Variants in TBL1XR1 observed in about 807,000 individuals in gnomAD.
TBL1XR1 encodes the protein F-box-like/WD repeat-containing protein TBL1XR1.
A neutral mutation model predicts 66.9 loss-of-function variants in TBL1XR1; 5 were observed. The observed-to-expected ratio is 0.07, with a 90% confidence interval of 0.04 to 0.16. The LOEUF (loss-of-function observed/expected upper bound fraction) is 0.16. Ranked by LOEUF, TBL1XR1 falls within the 10% of genes least tolerant of loss-of-function variation. The pLI, the probability that TBL1XR1 is intolerant of heterozygous loss-of-function variation, is 1.00. For missense variants in TBL1XR1, 238 were observed against 623.2 expected (o/e 0.38, Z 6.58); for synonymous variants, 210 against 206.0 (o/e 1.02, Z -0.17).
chr3:177,183,303 C>T (rs115588637), intron 1 of TBL1XR1, among the ~76,000 whole-genome samples: 217 of 152,162 alleles, frequency 1.4e-3, no homozygotes, highest in African/African-American at 5.1e-3. Context: ...ATGAAGAGTA[C>T]AGAAAATGTG....
At chr3:177,138,431 T>TAAAAGA in intron 1 of TBL1XR1, among the ~76,000 whole-genome samples, 1 of 152,064 alleles carries the variant, frequency 6.6e-6, no homozygotes, top group Middle Eastern at 3.4e-3. Flanking sequence ...TCCATCTCCA[T>TAAAAGA]AAAAAGTAAA....
At chr3:177,058,861 G>A (rs892186419) in intron 3 of TBL1XR1, among the ~76,000 whole-genome samples, 5 of 152,034 alleles carry the variant, frequency 3.3e-5, no homozygotes, top group African/African-American at 4.8e-5. Context: ...TGTGTAATAC[G>A]AATTTCCTGT....
rs1388639449 is a variant in TBL1XR1 at position 177,152,777 on chromosome 3, T to A, written c.-122+44344A>T. Among the ~76,000 whole-genome samples, 20 of 152,196 alleles carry A rather than the reference T, an allele frequency of 1.3e-4. 1 individual carries two copies. The highest frequency in any genetic ancestry group is 1.3e-3 in the Admixed American group (20 of 15,268). On this transcript the variant is annotated intron_variant, in intron 1 of 15. Transcript: ENST00000457928. ...TTACTTTGTTCTTGATTATCCCTAA[T>A]TACCTTATTATTGCTTCTATCTCCC... is the stretch of plus-strand genomic sequence containing the variant.
chr3:177,188,406 G>A (rs765665911), intron 1 of TBL1XR1, among the ~76,000 whole-genome samples: 1 of 152,016 alleles, frequency 6.6e-6, no homozygotes, highest in South Asian at 2.1e-4. Flanking sequence ...AATTAGGTAG[G>A]TGTGGTGGCA....
intron 1 of TBL1XR1, among the ~76,000 whole-genome samples, chr3:177,141,973 A>G (rs1303695061): frequency 6.6e-6 from 1 of 152,234 alleles, no homozygotes; most frequent in Non-Finnish European, 1.5e-5. Context: ...ACATGATTCC[A>G]CTTACATAAG....
intron 7 of TBL1XR1, 71 bp from the exon 8 acceptor site, chr3:177,047,620 T>C: frequency 2.0e-6 from 3 of 1,494,034 alleles, no homozygotes; most frequent in East Asian, 2.4e-5. Context: ...AAGTATTTCA[T>C]GTTTAAATCC....
chr3:177,123,129 T>G (rs1225710392), intron 1 of TBL1XR1, among the ~76,000 whole-genome samples: 1 of 152,108 alleles, frequency 6.6e-6, no homozygotes, highest in East Asian at 1.9e-4. Context: ...CAGCAATCTT[T>G]AAGTGGTCCA....
intron 1 of TBL1XR1, among the ~76,000 whole-genome samples, chr3:177,110,259 A>G (rs1725390251): frequency 6.6e-6 from 1 of 152,258 alleles, no homozygotes; most frequent in African/African-American, 2.4e-5. Flanking sequence ...AACATCAAAG[A>G]ACTTCAAAGT....
At chr3:177,172,699 A>AGGG (rs1560260803) in intron 1 of TBL1XR1, among the ~76,000 whole-genome samples, 8 of 124,354 alleles carry the variant, frequency 6.4e-5, no homozygotes, top group South Asian at 2.7e-4. Context: ...GGAGGGGAGG[A>AGGG]GAGGGAAGAG....
intron 1 of TBL1XR1, among the ~76,000 whole-genome samples, chr3:177,193,162 AAAT>A (rs1035417362): frequency 8.4e-4 from 128 of 152,114 alleles, no homozygotes; most frequent in African/African-American, 2.9e-3. Context: ...CAAAAAAATA[AAAT>A]AAAATAAAAT....
At chr3:177,051,936 T>C (rs1168454458) in intron 4 of TBL1XR1, among the ~76,000 whole-genome samples, 2 of 152,152 alleles carry the variant, frequency 1.3e-5, no homozygotes, top group African/African-American at 4.8e-5. Flanking sequence ...TTCATTTAAT[T>C]CATACTATTA....
At chr3:177,140,074 GGACA>G (rs1729463011) in intron 1 of TBL1XR1, among the ~76,000 whole-genome samples, 1 of 152,146 alleles carries the variant, frequency 6.6e-6, no homozygotes, top group Admixed American at 6.5e-5. Flanking sequence ...AGGCCAAGGT[GGACA>G]GATCACCAGG....
chr3:177,113,439 T>A (rs1418354960), intron 1 of TBL1XR1, among the ~76,000 whole-genome samples: 1 of 152,046 alleles, frequency 6.6e-6, no homozygotes, highest in Non-Finnish European at 1.5e-5. Context: ...AACAATAACC[T>A]ACAGGAGAAA....
chr3:177,055,401 C>G (rs552970241), intron 3 of TBL1XR1, among the ~76,000 whole-genome samples: 2 of 152,250 alleles, frequency 1.3e-5, no homozygotes, highest in African/African-American at 4.8e-5. Flanking sequence ...ATCTAACCCA[C>G]AGTGGAAAAG....
rs1296423720 is a variant in TBL1XR1, at chr3:177,024,543, C to T, written c.*955G>A. 1 of 152,056 alleles carries T rather than the reference C, an allele frequency of 6.6e-6. No homozygotes were observed. The highest frequency in any genetic ancestry group is 6.6e-5 in the Admixed American group (1 of 15,224). 9.4% of individuals were successfully genotyped at this position (152,056 alleles called of 1,614,324 possible). A position where few individuals can be genotyped will look rare whatever the true frequency, so the allele number is the denominator to read the frequency against. ...CGTTGCTCCTTTTCACAATAGTGCA[C>T]ATTTTTACCATAATTTAGTTATGGC... is the stretch of plus-strand genomic sequence containing the variant. On this transcript the variant is annotated 3_prime_UTR_variant, in exon 16 of 16. Transcript: ENST00000457928.
intron 1 of TBL1XR1, among the ~76,000 whole-genome samples, chr3:177,136,010 C>A (rs1485382422): frequency 2.0e-5 from 3 of 152,098 alleles, no homozygotes; most frequent in African/African-American, 7.2e-5. Flanking sequence ...ATCTCTCCAT[C>A]TTCCCTTTAC....
At chr3:177,060,545 A>G (rs1224118760) in intron 3 of TBL1XR1, among the ~76,000 whole-genome samples, 2 of 152,228 alleles carry the variant, frequency 1.3e-5, no homozygotes, top group Non-Finnish European at 2.9e-5. Context: ...CCTAAAGCAA[A>G]TATACAACTG....
chr3:177,142,798 T>G (rs895781948), intron 1 of TBL1XR1, among the ~76,000 whole-genome samples: 1 of 152,220 alleles, frequency 6.6e-6, no homozygotes, highest in African/African-American at 2.4e-5. Context: ...TTCACATTTA[T>G]GAATTTGCCT....
intron 1 of TBL1XR1, among the ~76,000 whole-genome samples, chr3:177,111,327 C>T (rs774707106): frequency 7.3e-5 from 11 of 150,788 alleles, no homozygotes; most frequent in Non-Finnish European, 5.9e-5. Flanking sequence ...GACTGGAGTG[C>T]AGTGGCGCTA....
Sources: gnomAD v4.1 joint callset for allele counts (sites outside exome capture counted in the v4.1 genomes callset) on GRCh38, gnomAD v4.1.1 for gene constraint, MANE v1.5 for transcripts, NCBI Gene and HGNC (gene_info 2026-07-23, HGNC 2026-07-21) for gene names.